FBXW11: variants seen among roughly 807,000 people sequenced by gnomAD.
FBXW11 encodes F-box/WD repeat-containing protein 11.
FBXW11 carries 19 observed loss-of-function variants against 77.6 expected under a neutral mutation model. The ratio of observed to expected loss-of-function variants is 0.24; its 90% CI spans 0.17 to 0.36. The LOEUF is 0.36. Ranked by LOEUF, FBXW11 falls within the 10% of genes least tolerant of loss-of-function variation. The pLI is 1.00. For synonymous variants in FBXW11, 235 were observed against 249.4 expected (o/e 0.94, Z 0.54); for missense variants, 334 against 704.2 (o/e 0.47, Z 5.95).
chr5:171,891,060 T>G (rs1206479744), intron 7 of FBXW11, among the ~76,000 whole-genome samples: 1 of 152,184 alleles, frequency 6.6e-6, no homozygotes, highest in Non-Finnish European at 1.5e-5. Context: ...TATCTACTAC[T>G]GAAAAGTTAA....
chr5:171,944,297 C>T (rs1164695133), intron 2 of FBXW11, among the ~76,000 whole-genome samples: 2 of 151,644 alleles, frequency 1.3e-5, no homozygotes, highest in Non-Finnish European at 2.9e-5. Context: ...TAAAAGAAGG[C>T]CGGGCGCTGT....
chr5:171,968,721 T>G (rs1764362023), intron 1 of FBXW11, among the ~76,000 whole-genome samples: 1 of 152,166 alleles, frequency 6.6e-6, no homozygotes, highest in Non-Finnish European at 1.5e-5. Context: ...CTGCTCTCAT[T>G]TATACTAGTG....
intron 6 of FBXW11, among the ~76,000 whole-genome samples, chr5:171,892,266 A>T (rs902460013): frequency 6.6e-6 from 1 of 152,230 alleles, no homozygotes; most frequent in Non-Finnish European, 1.5e-5. Context: ...ATCTAGGCCC[A>T]TGGTGTCTGG....
At chr5:171,903,377 CG>C (rs1229277834) in intron 4 of FBXW11, among the ~76,000 whole-genome samples, 1 of 152,024 alleles carries the variant, frequency 6.6e-6, no homozygotes, top group Non-Finnish European at 1.5e-5. Flanking sequence ...GGATTACAGG[CG>C]TGAGCCACTG....
At chr5:171,888,484 G>C (rs373017546) in intron 7 of FBXW11, among the ~76,000 whole-genome samples, 1 of 152,204 alleles carries the variant, frequency 6.6e-6, no homozygotes, top group Non-Finnish European at 1.5e-5. Context: ...GTGGAAAAGA[G>C]ATTAGAGCCA....
intron 7 of FBXW11, among the ~76,000 whole-genome samples, chr5:171,884,866 T>C (rs748093529): frequency 6.6e-6 from 1 of 152,208 alleles, no homozygotes; most frequent in Non-Finnish European, 1.5e-5. Flanking sequence ...GTTCTTGATG[T>C]GATTCTCCTC....
chr5:171,992,337 G>A (rs1037034699), intron 1 of FBXW11, among the ~76,000 whole-genome samples: 2 of 151,990 alleles, frequency 1.3e-5, no homozygotes, highest in African/African-American at 2.4e-5. Flanking sequence ...TGAGGTGGGA[G>A]AATCGCTTGA....
At chr5:171,895,518 T>A (rs989016993) in intron 6 of FBXW11, among the ~76,000 whole-genome samples, 1 of 152,100 alleles carries the variant, frequency 6.6e-6, no homozygotes, top group Non-Finnish European at 1.5e-5. Context: ...CCAGTGTCTG[T>A]CCAAGAAGAG....
intron 4 of FBXW11, among the ~76,000 whole-genome samples, chr5:171,901,728 A>G (rs770528432): frequency 4.6e-5 from 7 of 152,164 alleles, no homozygotes; most frequent in Non-Finnish European, 1.0e-4. Context: ...TATTGAAACA[A>G]TTTCCCCGAA....
At chr5:171,919,451 G>A (rs78291210) in intron 2 of FBXW11, among the ~76,000 whole-genome samples, 3,271 of 152,182 alleles carry the variant, frequency 0.021, 119 homozygotes, top group African/African-American at 0.074. Context: ...ATACTCTAAC[G>A]CCTGTTCCTG....
intron 7 of FBXW11, among the ~76,000 whole-genome samples, chr5:171,889,653 G>A (rs969988404): frequency 6.6e-6 from 1 of 152,050 alleles, no homozygotes; most frequent in East Asian, 1.9e-4. Flanking sequence ...TTGGGAGGCC[G>A]GGGCAGGTGG....
intron 6 of FBXW11, among the ~76,000 whole-genome samples, chr5:171,895,185 A>T (rs1052272675): frequency 2.6e-5 from 4 of 152,174 alleles, no homozygotes; most frequent in African/African-American, 9.7e-5. Context: ...TGGTATGGCT[A>T]CTGTAGAGGA....
intron 9 of FBXW11, among the ~76,000 whole-genome samples, chr5:171,875,276 G>A (rs1280459290): frequency 1.3e-5 from 2 of 151,696 alleles, no homozygotes; most frequent in Non-Finnish European, 2.9e-5. Flanking sequence ...AAAAAGAAGG[G>A]ACAAAGCTGA....
intron 1 of FBXW11, among the ~76,000 whole-genome samples, chr5:171,987,131 G>A (rs910307369): frequency 6.6e-6 from 1 of 152,134 alleles, no homozygotes; most frequent in African/African-American, 2.4e-5. Flanking sequence ...CCCCGTGCCT[G>A]GTCTGTGGAA....
Position 171,910,786 on chromosome 5 carries a change from T to C in FBXW11, c.222A>G (p.Gly74=), listed in dbSNP as rs1384889447. The C allele has an allele frequency of 1.3e-5, 21 of 1,575,748 alleles. No individual in the cohort carries two copies. In the Admixed American group the frequency reaches 4.1e-4, roughly 31 times the overall value. ...KKNTLWQISN[G]TSSVIVSRKR... Reference sequence around the variant, plus strand: ...TTCTGGAGACGATCACAGATGATGTTCCATTACTTATCTATTTTAGAAAAA... The same window carrying C: ...TTCTGGAGACGATCACAGATGATGTCCCATTACTTATCTATTTTAGAAAAA... Residue 74 remains glycine (G), a synonymous_variant, in exon 4 of 14, where the codon GGA becomes GGG. Coordinates refer to ENST00000517395, the MANE Select transcript of FBXW11 (RefSeq NM_001378974.1).
At chr5:171,994,909 G>A (rs1026784458) in intron 1 of FBXW11, among the ~76,000 whole-genome samples, 7 of 152,168 alleles carry the variant, frequency 4.6e-5, no homozygotes, top group South Asian at 4.2e-4. Context: ...ATGGTGGCAC[G>A]CACCTGTAAT....
At chr5:171,874,848 G>A (rs1303247821) in intron 9 of FBXW11, among the ~76,000 whole-genome samples, 1 of 150,852 alleles carries the variant, frequency 6.6e-6, no homozygotes, top group Admixed American at 6.6e-5. Context: ...AGGAGTCCCT[G>A]AGCTGGGGGA....
chr5:171,994,464 T>C (rs890132890), intron 1 of FBXW11, among the ~76,000 whole-genome samples: 6 of 152,192 alleles, frequency 3.9e-5, no homozygotes, highest in Admixed American at 1.3e-4. Context: ...GAAATGCTCA[T>C]TGAAACTTTT....
intron 1 of FBXW11, among the ~76,000 whole-genome samples, chr5:171,973,514 A>AT (rs1416485413): frequency 6.6e-6 from 1 of 152,242 alleles, no homozygotes; most frequent in Non-Finnish European, 1.5e-5. Context: ...AGTCAAGGTC[A>AT]TAAAAAAAGA....
Sources: gnomAD v4.1 joint callset for allele counts (sites outside exome capture counted in the v4.1 genomes callset) on GRCh38, gnomAD v4.1.1 for gene constraint, MANE v1.5 for transcripts, NCBI Gene and HGNC (gene_info 2026-07-23, HGNC 2026-07-21) for gene names.